The following NUBPL variants were observed in gnomAD, a reference collection of about 807,000 sequenced individuals.
The protein encoded by NUBPL is iron-sulfur cluster transfer protein NUBPL.
A neutral mutation model predicts 45.7 loss-of-function variants in NUBPL; 31 were observed. The observed-to-expected ratio is 0.68, with a 90% confidence interval of 0.51 to 0.92. The LOEUF (loss-of-function observed/expected upper bound fraction) is 0.92. Ranked by LOEUF, NUBPL falls within the 40% of genes least tolerant of loss-of-function variation. The probability of loss-of-function intolerance (pLI) is 0.00; values close to 1 mark genes in which losing one functional copy is unlikely to be tolerated. For missense variants in NUBPL, 401 were observed against 398.7 expected, an observed-to-expected ratio of 1.01 and a Z score of -0.05; for synonymous variants, 144 against 140.9, an observed-to-expected ratio of 1.02 and a Z score of -0.15.
intron 7 of NUBPL, among the ~76,000 whole-genome samples, chr14:31,808,611 T>C (rs1276532296): frequency 2.0e-5 from 3 of 152,172 alleles, no homozygotes; most frequent in Admixed American, 2.0e-4. Context: ...ACCCTTCATT[T>C]CTTTCTCTTG....
At chr14:31,750,336 C>T (rs1050846955) in intron 6 of NUBPL, among the ~76,000 whole-genome samples, 11 of 124,992 alleles carry the variant, frequency 8.8e-5, no homozygotes, top group Admixed American at 1.8e-4. Context: ...CCACCACGCC[C>T]GGCTAATTTT....
At chr14:31,643,693 TA>T (rs1286703251) in intron 4 of NUBPL, among the ~76,000 whole-genome samples, 1 of 152,086 alleles carries the variant, frequency 6.6e-6, no homozygotes, top group African/African-American at 2.4e-5. Flanking sequence ...CCCTCTTATT[TA>T]TTTTTTTTGA....
At chr14:31,793,838 T>TTA (rs1376036587) in intron 7 of NUBPL, among the ~76,000 whole-genome samples, 1 of 125,590 alleles carries the variant, frequency 8.0e-6, no homozygotes, top group Non-Finnish European at 1.5e-5. Context: ...CTTTTTTTTT[T>TTA]TTATTTTTTT....
intron 4 of NUBPL, among the ~76,000 whole-genome samples, chr14:31,615,932 A>G (rs1175027991): frequency 2.0e-5 from 3 of 152,146 alleles, no homozygotes; most frequent in African/African-American, 7.2e-5. Context: ...AAGCGTTCCT[A>G]TTTCTCCACA....
At chr14:31,747,791 C>G (rs2038434374) in intron 6 of NUBPL, among the ~76,000 whole-genome samples, 1 of 151,836 alleles carries the variant, frequency 6.6e-6, no homozygotes, top group Non-Finnish European at 1.5e-5. Flanking sequence ...TTTTTAAAGT[C>G]TCTATTTCAT....
In NUBPL at chr14:31,673,586, G is replaced by T; in HGVS notation, c.513+12G>T. On this transcript the variant is annotated intron_variant, in intron 6 of 10. Transcript: ENST00000281081. Reference sequence around the variant, plus strand: ...AATTGTTGAGGCAGGTAAGAATATTGCTTTAAATATCATTTTATCATTGGC... The same window carrying T: ...AATTGTTGAGGCAGGTAAGAATATTTCTTTAAATATCATTTTATCATTGGC... 6.2e-7 allele frequency: 1 copy of T among 1,601,226 alleles called. No homozygotes were observed. Among genetic ancestry groups the T allele is most frequent in the South Asian group, 1.1e-5 (1 of 90,770 alleles).
intron 6 of NUBPL, among the ~76,000 whole-genome samples, chr14:31,763,979 A>C (rs1171649480): frequency 6.6e-6 from 1 of 152,210 alleles, no homozygotes; most frequent in Non-Finnish European, 1.5e-5. Context: ...GGCAGACAAA[A>C]TATGCTCCAA....
intron 3 of NUBPL, among the ~76,000 whole-genome samples, chr14:31,584,028 C>T (rs2033932462): frequency 1.3e-5 from 2 of 152,120 alleles, no homozygotes; most frequent in African/African-American, 4.8e-5. Flanking sequence ...TCCAGTCGTC[C>T]TTTGGTCAAG....
intron 6 of NUBPL, among the ~76,000 whole-genome samples, chr14:31,755,208 A>G (rs1249731499): frequency 6.6e-6 from 1 of 152,116 alleles, no homozygotes; most frequent in African/African-American, 2.4e-5. Flanking sequence ...CTTTGGGTAT[A>G]TACCCAGTAA....
intron 7 of NUBPL, among the ~76,000 whole-genome samples, chr14:31,816,640 C>A (rs2039923253): frequency 6.6e-6 from 1 of 152,142 alleles, no homozygotes. Flanking sequence ...GATTTTAGAT[C>A]TTTCCTGCTT....
chr14:31,770,495 A>G (rs2038989811), intron 6 of NUBPL, among the ~76,000 whole-genome samples: 1 of 152,194 alleles, frequency 6.6e-6, no homozygotes, highest in African/African-American at 2.4e-5. Flanking sequence ...AGACATCTCA[A>G]AAGGTCAATC....
intron 6 of NUBPL, among the ~76,000 whole-genome samples, chr14:31,772,479 A>G (rs2039026333): frequency 6.6e-6 from 1 of 152,174 alleles, no homozygotes; most frequent in Non-Finnish European, 1.5e-5. Flanking sequence ...AATTAACTGA[A>G]ATACTGTTAC....
chr14:31,574,582 C>CTTT (rs71115022), intron 3 of NUBPL, among the ~76,000 whole-genome samples: 130 of 66,906 alleles, frequency 1.9e-3, no homozygotes, highest in African/African-American at 4.0e-3. Flanking sequence ...TTCTTTCCTT[C>CTTT]TTTTTTTTTT....
chr14:31,809,127 C>G (rs1168222332), intron 7 of NUBPL, among the ~76,000 whole-genome samples: 1 of 152,140 alleles, frequency 6.6e-6, no homozygotes, highest in East Asian at 1.9e-4. Context: ...TGATGCTGGC[C>G]TCATAAAATG....
intron 6 of NUBPL, among the ~76,000 whole-genome samples, chr14:31,763,831 G>GA (rs1230386483): frequency 1.3e-5 from 2 of 151,804 alleles, no homozygotes; most frequent in Non-Finnish European, 2.9e-5. Context: ...CTCTAGAAGA[G>GA]AAAAAAAGAA....
At chr14:31,637,682 A>T (rs762994918) in intron 4 of NUBPL, among the ~76,000 whole-genome samples, 12 of 152,212 alleles carry the variant, frequency 7.9e-5, no homozygotes, top group Non-Finnish European at 1.5e-4. Flanking sequence ...TAATGTTGAC[A>T]GTGGGAAGTT....
intron 6 of NUBPL, among the ~76,000 whole-genome samples, chr14:31,720,848 T>C (rs1479721482): frequency 1.3e-5 from 2 of 152,240 alleles, no homozygotes; most frequent in Admixed American, 6.5e-5. Context: ...GAAACTTCTA[T>C]TGGACAGCAC....
intron 4 of NUBPL, among the ~76,000 whole-genome samples, chr14:31,664,288 A>G (rs768928254): frequency 6.6e-6 from 1 of 152,144 alleles, no homozygotes; most frequent in Non-Finnish European, 1.5e-5. Flanking sequence ...AGGAGTGGTG[A>G]GAGAGGGCAT....
chr14:31,642,711 A>G (rs770914109), intron 4 of NUBPL, among the ~76,000 whole-genome samples: 6 of 151,960 alleles, frequency 3.9e-5, no homozygotes, highest in Non-Finnish European at 5.9e-5. Flanking sequence ...TATTATTGCT[A>G]TTTTTATGAA....
Sources: gnomAD v4.1 joint callset for allele counts (sites outside exome capture counted in the v4.1 genomes callset) on GRCh38, gnomAD v4.1.1 for gene constraint, MANE v1.5 for transcripts, NCBI Gene and HGNC (gene_info 2026-07-23, HGNC 2026-07-21) for gene names.